Variants in RAPGEF2 observed in about 807,000 individuals in gnomAD.
The protein encoded by RAPGEF2 is PDZ domain containing guanine nucleotide exchange factor (GEF) 1.
In RAPGEF2, 54 loss-of-function variants were observed where a neutral mutation model predicts 186.7. That is an observed-to-expected ratio of 0.29 (90% CI 0.23 to 0.36). The LOEUF is 0.36. Among genes scored for constraint, RAPGEF2 ranks in the 10% least tolerant of loss-of-function variants. The pLI is 1.00. For missense variants in RAPGEF2, 1,532 were observed against 2,045.0 expected, an observed-to-expected ratio of 0.75 and a Z score of 4.84; for synonymous variants, 712 against 705.9, an observed-to-expected ratio of 1.01 and a Z score of -0.14.
chr4:159,356,826 G>A (rs1048512720), intron 29 of RAPGEF2, among the ~76,000 whole-genome samples: 13 of 152,126 alleles, frequency 8.5e-5, no homozygotes, highest in African/African-American at 2.4e-4. Flanking sequence ...ACTTGAGCCC[G>A]GAAGGCAGAG....
intron 3 of RAPGEF2, among the ~76,000 whole-genome samples, chr4:159,207,727 A>G (rs945084253): frequency 1.3e-5 from 2 of 152,184 alleles, no homozygotes; most frequent in African/African-American, 2.4e-5. Flanking sequence ...TGATAAATGG[A>G]ACACTGTAAA....
intron 1 of RAPGEF2, among the ~76,000 whole-genome samples, chr4:159,117,677 C>T (rs1739196018): frequency 6.6e-6 from 1 of 151,638 alleles, no homozygotes. Flanking sequence ...CTTCATATAA[C>T]CCAGTGGTTT....
intron 1 of RAPGEF2, among the ~76,000 whole-genome samples, chr4:159,181,297 A>G (rs1044817553): frequency 1.3e-5 from 2 of 152,174 alleles, no homozygotes; most frequent in African/African-American, 4.8e-5. Context: ...TCTTGCTTCT[A>G]CTGTGTCTCT....
At chr4:159,141,251 A>G (rs1742293965) in intron 1 of RAPGEF2, among the ~76,000 whole-genome samples, 1 of 152,162 alleles carries the variant, frequency 6.6e-6, no homozygotes, top group Admixed American at 6.5e-5. Context: ...CTATCGGGAT[A>G]TTTAGATATA....
chr4:159,205,516 C>G (rs1283416619), intron 3 of RAPGEF2, among the ~76,000 whole-genome samples: 1 of 152,152 alleles, frequency 6.6e-6, no homozygotes, highest in Admixed American at 6.5e-5. Context: ...TATGGTTAGG[C>G]TCTGTGTCCC....
intron 4 of RAPGEF2, chr4:159,229,365 A>G (rs528930350): frequency 1.3e-5 from 2 of 152,364 alleles, no homozygotes; most frequent in South Asian, 4.1e-4. Flanking sequence ...AGAGGCTTCT[A>G]TGCTCTGTGA....
At chr4:159,161,945 A>G (rs1407513917) in intron 1 of RAPGEF2, among the ~76,000 whole-genome samples, 2 of 152,356 alleles carry the variant, frequency 1.3e-5, no homozygotes, top group Admixed American at 6.5e-5. Flanking sequence ...AATCTATTCT[A>G]AACTTTTATA....
At chr4:159,260,596 C>T (rs940002340) in intron 7 of RAPGEF2, among the ~76,000 whole-genome samples, 1 of 152,158 alleles carries the variant, frequency 6.6e-6, no homozygotes, top group Non-Finnish European at 1.5e-5. Flanking sequence ...CACTAACATT[C>T]AGCCTCTACT....
At chr4:159,270,833 A>G (rs1758035407) in intron 7 of RAPGEF2, among the ~76,000 whole-genome samples, 1 of 152,154 alleles carries the variant, frequency 6.6e-6, no homozygotes, top group African/African-American at 2.4e-5. Flanking sequence ...TAAGATGAAT[A>G]CCCATGTGTC....
chr4:159,285,056 G>T (rs146918035), intron 7 of RAPGEF2, among the ~76,000 whole-genome samples: 1 of 152,082 alleles, frequency 6.6e-6, no homozygotes, highest in Non-Finnish European at 1.5e-5. Flanking sequence ...GAAAAGAAAA[G>T]AAACATACTC....
chr4:159,157,710 T>C (rs868516041), intron 1 of RAPGEF2, among the ~76,000 whole-genome samples: 4 of 152,382 alleles, frequency 2.6e-5, no homozygotes, highest in African/African-American at 9.6e-5. Flanking sequence ...AACAGCTTTC[T>C]ATTGCCATGG....
chr4:159,136,394 T>A (rs948212453), intron 1 of RAPGEF2, among the ~76,000 whole-genome samples: 1 of 152,062 alleles, frequency 6.6e-6, no homozygotes, highest in African/African-American at 2.4e-5. Context: ...AAGACCAGGT[T>A]TGATTAAGAG....
intron 29 of RAPGEF2, among the ~76,000 whole-genome samples, chr4:159,356,810 A>G (rs1732080433): frequency 1.3e-5 from 2 of 152,170 alleles, no homozygotes; most frequent in South Asian, 2.1e-4. Context: ...CTGAGGCAGG[A>G]GAACCACTTG....
At chr4:159,332,929 A>G (rs934837715) in intron 17 of RAPGEF2, 12 of 320,522 alleles carry the variant, frequency 3.7e-5, no homozygotes, top group African/African-American at 1.5e-4. Flanking sequence ...CATTTGAACT[A>G]TTTTTTGGGG....
chr4:159,187,282 T>C (rs1455764497), intron 2 of RAPGEF2, among the ~76,000 whole-genome samples: 3 of 152,180 alleles, frequency 2.0e-5, no homozygotes, highest in Non-Finnish European at 4.4e-5. Flanking sequence ...GGTCTGTCTC[T>C]GTCTCTTTCT....
At chr4:159,240,807 GTTTTTTT>G (rs373635263) in intron 5 of RAPGEF2, among the ~76,000 whole-genome samples, 1 of 132,976 alleles carries the variant, frequency 7.5e-6, no homozygotes, top group South Asian at 2.4e-4. Context: ...TTCCATCAGG[GTTTTTTT>G]TTTTTTTTTT....
chr4:159,272,198 C>T (rs1758215276), intron 7 of RAPGEF2, among the ~76,000 whole-genome samples: 2 of 152,176 alleles, frequency 1.3e-5, no homozygotes, highest in Non-Finnish European at 2.9e-5. Flanking sequence ...TCCATACAGG[C>T]CACGATTCAT....
rs924485815 is a variant in RAPGEF2, at chr4:159,219,598, G to C, written c.281+9015G>C. 1.4e-4 allele frequency among the ~76,000 whole-genome samples: 21 copies of C among 152,088 alleles called. 1 individual carries two copies. The highest frequency in any genetic ancestry group is 8.3e-4 in the South Asian group (4 of 4,816). On this transcript the variant is annotated intron_variant, in intron 4 of 29. Transcript: ENST00000691494. ...TCTTGATCGCCTGACCTCATGATCT[G>C]CCTGCCTCAGCCTCCCAAAGTGCTG...
chr4:159,180,717 T>C (rs1200347919), intron 1 of RAPGEF2, among the ~76,000 whole-genome samples: 1 of 152,156 alleles, frequency 6.6e-6, no homozygotes, highest in Non-Finnish European at 1.5e-5. Flanking sequence ...TAATGACACG[T>C]TTGAAAGTAC....
Sources: gnomAD v4.1 joint callset for allele counts (sites outside exome capture counted in the v4.1 genomes callset) on GRCh38, gnomAD v4.1.1 for gene constraint, MANE v1.5 for transcripts, NCBI Gene and HGNC (gene_info 2026-07-23, HGNC 2026-07-21) for gene names.